Variants in RORA observed in about 807,000 individuals in gnomAD.
RORA encodes the protein RAR related orphan receptor A.
RORA carries 7 observed loss-of-function variants against 69.5 expected under a neutral mutation model. That is an observed-to-expected ratio of 0.10 (90% CI 0.06 to 0.19). The LOEUF is 0.19. Among genes scored for constraint, RORA ranks in the 10% least tolerant of loss-of-function variants. The pLI, the probability that RORA is intolerant of heterozygous loss-of-function variation, is 1.00. For missense variants in RORA, 457 were observed against 663.0 expected, an observed-to-expected ratio of 0.69 and a Z score of 3.41; for synonymous variants, 261 against 240.8, an observed-to-expected ratio of 1.08 and a Z score of -0.78.
At chr15:60,948,137 T>C (rs935905938) in intron 1 of RORA, among the ~76,000 whole-genome samples, 1 of 152,060 alleles carries the variant, frequency 6.6e-6, no homozygotes, top group Non-Finnish European at 1.5e-5. Flanking sequence ...GACGCCCAGA[T>C]TGCTTAAAAG....
chr15:61,211,006 T>C (rs2140936815), intron 1 of RORA, among the ~76,000 whole-genome samples: 1 of 152,330 alleles, frequency 6.6e-6, no homozygotes, highest in East Asian at 1.9e-4. Flanking sequence ...GGTAACCAGC[T>C]GGTTAGATTT....
chr15:60,848,117 G>C (rs2073286845), intron 1 of RORA: 1 of 152,302 alleles, frequency 6.6e-6, no homozygotes, highest in Admixed American at 6.5e-5. Context: ...GCCAGGTCCA[G>C]GATCTTTGCA....
At chr15:60,934,136 G>C (rs573860005) in intron 1 of RORA, among the ~76,000 whole-genome samples, 1 of 152,226 alleles carries the variant, frequency 6.6e-6, no homozygotes, top group Non-Finnish European at 1.5e-5. Context: ...GTGCTCAACA[G>C]GCAGTCCTGA....
intron 1 of RORA, among the ~76,000 whole-genome samples, chr15:60,773,972 C>T (rs2072119605): frequency 1.3e-5 from 2 of 152,228 alleles, no homozygotes; most frequent in Non-Finnish European, 2.9e-5. Flanking sequence ...TTTCTCCCAG[C>T]TTTAAGATGC....
intron 2 of RORA, among the ~76,000 whole-genome samples, chr15:60,571,053 G>A (rs1567095538): frequency 6.6e-6 from 1 of 151,570 alleles, no homozygotes. Flanking sequence ...TCCTCATTTT[G>A]CCTGCTAGTG....
chr15:60,617,271 A>G (rs1325912926), intron 2 of RORA, among the ~76,000 whole-genome samples: 1 of 152,166 alleles, frequency 6.6e-6, no homozygotes. Flanking sequence ...AATCACTCAT[A>G]CAAGGGAGAG....
Position 60,493,415 on chromosome 15 carries a change from A to G in RORA, c.*4040T>C, listed in dbSNP as rs1039673218. The G allele has an allele frequency of 6.6e-6, 1 of 152,224 alleles. No individual in the cohort carries two copies. The allele number at this position is 152,224 out of a possible 1,614,324, so 9.4% of individuals were successfully genotyped here. A position where few individuals can be genotyped will look rare whatever the true frequency, so the allele number is the denominator to read the frequency against. ...GTACATATTGCACTAGAGAGGAATG[A>G]AGAACATGTGCAAAAAAGCAACAAT... On this transcript the variant is annotated 3_prime_UTR_variant, in exon 11 of 11. Coordinates refer to ENST00000335670, the MANE Select transcript of RORA (RefSeq NM_134261.3).
chr15:60,959,226 G>A (rs1893350525), intron 1 of RORA, among the ~76,000 whole-genome samples: 1 of 152,164 alleles, frequency 6.6e-6, no homozygotes, highest in East Asian at 1.9e-4. Flanking sequence ...ATGGCTGCTT[G>A]ACTCAGTGTA....
chr15:61,054,942 T>C lies in RORA; in HGVS notation c.166+174111A>G, dbSNP rs182750984. On this transcript the variant is annotated intron_variant, in intron 1 of 10. Coordinates refer to ENST00000335670, the MANE Select transcript of RORA (RefSeq NM_134261.3). ...GCTTCCACCTCCTGAGCTCAATCAA[T>C]CCTCCCACCTCAGCTTCCTGAATAG... 7.0e-3 allele frequency among the ~76,000 whole-genome samples: 1,058 copies of C among 151,176 alleles called. 19 individuals are homozygous for C. Among genetic ancestry groups the C allele is most frequent in the African/African-American group, 0.025 (1,021 of 41,182 alleles).
chr15:60,957,846 C>T (rs565043375), intron 1 of RORA, among the ~76,000 whole-genome samples: 18 of 152,248 alleles, frequency 1.2e-4, no homozygotes, highest in African/African-American at 4.3e-4. Flanking sequence ...AATACTTGGT[C>T]CCCAAATATA....
chr15:60,838,984 G>A (rs1190630023), intron 1 of RORA, among the ~76,000 whole-genome samples: 2 of 151,640 alleles, frequency 1.3e-5, no homozygotes, highest in African/African-American at 2.4e-5. Flanking sequence ...CGCCTCCTGG[G>A]TTCACGCCAT....
chr15:61,144,734 A>T (rs980678096), intron 1 of RORA, among the ~76,000 whole-genome samples: 1 of 152,206 alleles, frequency 6.6e-6, no homozygotes, highest in Non-Finnish European at 1.5e-5. Flanking sequence ...AATTTGGCAG[A>T]TCTTTCTAAA....
In RORA at chr15:60,622,355, G is replaced by A. The variant is rs370412956; in HGVS notation, c.196+56302C>T. ...AGGCTGGGCGTGATGGCTAACACCT[G>A]TAATCCCAGCACTTTGGGAGGCTGA... On this transcript the variant is annotated intron_variant, in intron 2 of 10. Coordinates refer to ENST00000335670, the MANE Select transcript of RORA (RefSeq NM_134261.3). Among the ~76,000 whole-genome samples the A allele has an allele frequency of 4.6e-5, 7 of 152,076 alleles. No individual in the cohort carries two copies. The East Asian group carries it at 7.7e-4, about 17-fold the overall frequency.
chr15:60,898,433 T>G (rs778522306), intron 1 of RORA, among the ~76,000 whole-genome samples: 16 of 151,534 alleles, frequency 1.1e-4, no homozygotes, highest in Non-Finnish European at 2.4e-4. Flanking sequence ...TCCCAGAAAC[T>G]CAGAAGGCTA....
chr15:60,846,603 T>C (rs1368492168), intron 1 of RORA, among the ~76,000 whole-genome samples: 1 of 152,230 alleles, frequency 6.6e-6, no homozygotes, highest in African/African-American at 2.4e-5. Context: ...AAGGCACCTT[T>C]GTACTCACAC....
At chr15:60,827,645 G>A (rs1373650552) in intron 1 of RORA, among the ~76,000 whole-genome samples, 2 of 152,330 alleles carry the variant, frequency 1.3e-5, no homozygotes, top group African/African-American at 2.4e-5. Context: ...GGGACATGGC[G>A]GGTGTTGGAG....
intron 1 of RORA, among the ~76,000 whole-genome samples, chr15:61,191,995 G>T (rs2140916080): frequency 6.6e-6 from 1 of 152,350 alleles, no homozygotes; most frequent in Non-Finnish European, 1.5e-5. Flanking sequence ...TTGCTTAATG[G>T]TGCACAAGGT....
chr15:60,790,851 G>T (rs1471618346), intron 1 of RORA, among the ~76,000 whole-genome samples: 1 of 152,160 alleles, frequency 6.6e-6, no homozygotes, highest in Admixed American at 6.5e-5. Flanking sequence ...GCATGCTGGG[G>T]CTTGTAGGTA....
At chr15:60,815,726 A>C (rs2072800851) in intron 1 of RORA, among the ~76,000 whole-genome samples, 1 of 149,262 alleles carries the variant, frequency 6.7e-6, no homozygotes, top group Admixed American at 6.7e-5. Flanking sequence ...ACACCCCCCG[A>C]GGTGTGCAGA....
Sources: allele counts gnomAD v4.1 joint callset (sites outside exome capture counted in the v4.1 genomes callset), GRCh38; gene constraint gnomAD v4.1.1; transcripts MANE v1.5; gene names NCBI Gene and HGNC (gene_info 2026-07-23, HGNC 2026-07-21).